Variants in CCDC146 observed in about 807,000 individuals in gnomAD.
CCDC146 encodes the protein coiled-coil domain containing 146, also known as coiled-coil domain-containing protein 146.
CCDC146 carries 92 observed loss-of-function variants against 119.3 expected under a neutral mutation model. The ratio of observed to expected loss-of-function variants is 0.77; its 90% CI spans 0.65 to 0.92. CCDC146 has a LOEUF of 0.92. Ranked by LOEUF, CCDC146 falls within the 40% of genes least tolerant of loss-of-function variation. The probability of loss-of-function intolerance (pLI) is 0.00; values close to 1 mark genes in which losing one functional copy is unlikely to be tolerated. For synonymous variants in CCDC146, 372 were observed against 371.8 expected (o/e 1.00, Z -0.01); for missense variants, 1,000 against 1,103.0 (o/e 0.91, Z 1.32).
intron 2 of CCDC146, among the ~76,000 whole-genome samples, chr7:77,190,980 A>G (rs1791753135): frequency 6.6e-6 from 1 of 152,180 alleles, no homozygotes; most frequent in Non-Finnish European, 1.5e-5. Context: ...GGGCAGGTAC[A>G]GCAATATGCC....
At chr7:77,235,027 A>G (rs1288363351) in intron 2 of CCDC146, among the ~76,000 whole-genome samples, 1 of 152,172 alleles carries the variant, frequency 6.6e-6, no homozygotes, top group Non-Finnish European at 1.5e-5. Flanking sequence ...ACCCCACTGT[A>G]TAGACTCAGA....
chr7:77,192,085 C>T (rs1464236221), intron 2 of CCDC146, among the ~76,000 whole-genome samples: 1 of 151,846 alleles, frequency 6.6e-6, no homozygotes, highest in East Asian at 2.0e-4. Context: ...AGCCACCACA[C>T]CTGGCTAATT....
At chr7:77,233,256 T>A (rs534268217) in intron 2 of CCDC146, among the ~76,000 whole-genome samples, 1 of 151,018 alleles carries the variant, frequency 6.6e-6, no homozygotes, top group Non-Finnish European at 1.5e-5. Context: ...GCCCAGCTAA[T>A]TTTTTTTGTA....
intron 8 of CCDC146, among the ~76,000 whole-genome samples, chr7:77,260,639 G>T (rs1233631360): frequency 1.3e-5 from 2 of 152,076 alleles, no homozygotes; most frequent in Admixed American, 6.6e-5. Context: ...TTTTTTGTTT[G>T]TTTTTTGAGA....
intron 2 of CCDC146, among the ~76,000 whole-genome samples, chr7:77,184,903 A>G (rs1166260764): frequency 6.6e-6 from 1 of 152,192 alleles, no homozygotes; most frequent in Non-Finnish European, 1.5e-5. Context: ...AAGCTGAGAT[A>G]CAACTGGAAT....
At chr7:77,163,462 A>C (rs1424879456) in intron 1 of CCDC146, among the ~76,000 whole-genome samples, 2 of 152,122 alleles carry the variant, frequency 1.3e-5, no homozygotes, top group Non-Finnish European at 2.9e-5. Context: ...AAAAAAATAC[A>C]CATATATACG....
chr7:77,277,987 T>C (rs1736633713), intron 11 of CCDC146, among the ~76,000 whole-genome samples: 1 of 152,216 alleles, frequency 6.6e-6, no homozygotes, highest in Admixed American at 6.5e-5. Context: ...TGCTTTCTTT[T>C]AAAATATTTA....
intron 2 of CCDC146, among the ~76,000 whole-genome samples, chr7:77,174,777 T>G (rs1791477898): frequency 6.6e-6 from 1 of 152,210 alleles, no homozygotes; most frequent in African/African-American, 2.4e-5. Context: ...TCTATTTTGT[T>G]TATAAAAATG....
intron 2 of CCDC146, chr7:77,194,008 G>C (rs1333534859): frequency 6.6e-6 from 1 of 152,432 alleles, no homozygotes; most frequent in Non-Finnish European, 1.5e-5. Flanking sequence ...GAATTTCTGT[G>C]TTACAGAATT....
At chr7:77,141,876 G>C (rs57865219) in intron 1 of CCDC146, among the ~76,000 whole-genome samples, 1,665 of 152,098 alleles carry the variant, frequency 0.011, 23 homozygotes, top group African/African-American at 0.038. Flanking sequence ...CCTGTTCACT[G>C]TGATGATAGT....
chr7:77,205,903 G>A (rs78852494), intron 2 of CCDC146, among the ~76,000 whole-genome samples: 2,444 of 152,078 alleles, frequency 0.016, 61 homozygotes, highest in African/African-American at 0.055. Context: ...TTTAAACAGC[G>A]AAATCACCAA....
At chr7:77,146,140 G>A (rs1003217133) in intron 1 of CCDC146, among the ~76,000 whole-genome samples, 6 of 151,980 alleles carry the variant, frequency 3.9e-5, no homozygotes, top group Non-Finnish European at 5.9e-5. Flanking sequence ...AGCTCTTCTT[G>A]TTGAATTGAT....
intron 1 of CCDC146, among the ~76,000 whole-genome samples, chr7:77,165,351 C>G (rs1791324368): frequency 6.6e-6 from 1 of 151,910 alleles, no homozygotes; most frequent in Non-Finnish European, 1.5e-5. Context: ...TATTTTTGAG[C>G]TTGAGTTTTG....
chr7:77,286,601 C>A (rs1793852339), intron 15 of CCDC146, among the ~76,000 whole-genome samples, 197 bp from the exon 16 acceptor site: 1 of 152,200 alleles, frequency 6.6e-6, no homozygotes, highest in South Asian at 2.1e-4. Flanking sequence ...TTATAGACAT[C>A]ATCGTCGCAG....
chr7:77,272,972 A>G (rs1003271145), intron 9 of CCDC146, among the ~76,000 whole-genome samples: 6 of 152,220 alleles, frequency 3.9e-5, no homozygotes, highest in Non-Finnish European at 5.9e-5. Context: ...TTATTAATAA[A>G]TTACATATTT....
At chr7:77,227,928 C>A (rs1309026371) in intron 2 of CCDC146, among the ~76,000 whole-genome samples, 1 of 152,224 alleles carries the variant, frequency 6.6e-6, no homozygotes, top group African/African-American at 2.4e-5. Flanking sequence ...CCTTCTGGAT[C>A]TCTATATATT....
At chr7:77,125,874 A>AAT (rs1790684352) in intron 1 of CCDC146, among the ~76,000 whole-genome samples, 1 of 152,130 alleles carries the variant, frequency 6.6e-6, no homozygotes, top group Non-Finnish European at 1.5e-5. Flanking sequence ...GTATTTAATG[A>AAT]ATATATATAG....
At chr7:77,128,692 A>G (rs1584010737) in intron 1 of CCDC146, among the ~76,000 whole-genome samples, 2 of 152,102 alleles carry the variant, frequency 1.3e-5, no homozygotes, top group East Asian at 1.9e-4. Context: ...CTCCAAACAT[A>G]GATTTGCACT....
intron 1 of CCDC146, among the ~76,000 whole-genome samples, chr7:77,143,328 A>G (rs1790965454): frequency 6.6e-6 from 1 of 151,832 alleles, no homozygotes; most frequent in African/African-American, 2.4e-5. Flanking sequence ...CCTTTGTCAG[A>G]TGAGTAGATT....
Sources: allele counts gnomAD v4.1 joint callset (sites outside exome capture counted in the v4.1 genomes callset), GRCh38; gene constraint gnomAD v4.1.1; transcripts MANE v1.5; gene names NCBI Gene and HGNC (gene_info 2026-07-23, HGNC 2026-07-21).